CNTNAP5: variants seen among roughly 807,000 people sequenced by gnomAD.
CNTNAP5 encodes contactin-associated protein-like 5.
A neutral mutation model predicts 150.2 loss-of-function variants in CNTNAP5; 72 were observed. That is an observed-to-expected ratio of 0.48 (90% CI 0.40 to 0.58). CNTNAP5 has a LOEUF of 0.58. CNTNAP5 is among the 20% of genes least tolerant of loss of function. The pLI, the probability that CNTNAP5 is intolerant of heterozygous loss-of-function variation, is 0.00. For synonymous variants in CNTNAP5, 672 were observed against 619.8 expected (o/e 1.08, Z -1.25); for missense variants, 1,636 against 1,626.2 (o/e 1.01, Z -0.10).
intron 21 of CNTNAP5, among the ~76,000 whole-genome samples, chr2:124,889,781 T>C (rs1409792132): frequency 6.6e-6 from 1 of 152,134 alleles, no homozygotes; most frequent in African/African-American, 2.4e-5. Context: ...ATAAGGTTTG[T>C]CCTCTGGATC....
intron 3 of CNTNAP5, among the ~76,000 whole-genome samples, chr2:124,313,227 C>T (rs182166035): frequency 1.9e-3 from 282 of 152,256 alleles, no homozygotes; most frequent in Non-Finnish European, 3.1e-3. Context: ...GATTATTATA[C>T]GATTAATCAC....
At chr2:124,278,782 A>G (rs1467133726) in intron 3 of CNTNAP5, among the ~76,000 whole-genome samples, 3 of 152,066 alleles carry the variant, frequency 2.0e-5, no homozygotes, top group African/African-American at 4.8e-5. Context: ...TTTTAAATTA[A>G]TCTCCTCTTC....
At chr2:124,816,907 T>A (rs1390177365) in intron 19 of CNTNAP5, among the ~76,000 whole-genome samples, 11 of 152,210 alleles carry the variant, frequency 7.2e-5, no homozygotes, top group Non-Finnish European at 1.5e-4. Context: ...GCGAATGATA[T>A]CACATCATCG....
chr2:124,193,278 C>G (rs905683470), intron 1 of CNTNAP5, among the ~76,000 whole-genome samples: 6 of 152,210 alleles, frequency 3.9e-5, no homozygotes, highest in African/African-American at 1.4e-4. Flanking sequence ...GACTTCAATG[C>G]CTCTTTTTAT....
At chr2:124,821,069 C>T (rs887535776) in intron 19 of CNTNAP5, among the ~76,000 whole-genome samples, 8 of 152,178 alleles carry the variant, frequency 5.3e-5, no homozygotes, top group Admixed American at 4.6e-4. Context: ...ATGCAGTTCC[C>T]ACAAGGTATG....
intron 10 of CNTNAP5, among the ~76,000 whole-genome samples, chr2:124,561,269 C>T (rs1380608881): frequency 6.6e-6 from 1 of 152,100 alleles, no homozygotes; most frequent in Non-Finnish European, 1.5e-5. Context: ...AAGGAAACAG[C>T]GTGTGGGGAC....
intron 11 of CNTNAP5, among the ~76,000 whole-genome samples, chr2:124,579,530 T>C (rs137899762): frequency 6.6e-6 from 1 of 152,374 alleles, no homozygotes; most frequent in East Asian, 1.9e-4. Context: ...TTCTTTGATC[T>C]ATTTTATCTT....
intron 21 of CNTNAP5, among the ~76,000 whole-genome samples, chr2:124,871,688 C>T (rs928722660): frequency 6.6e-6 from 1 of 152,146 alleles, no homozygotes; most frequent in East Asian, 1.9e-4. Context: ...TGAAGGTGCT[C>T]TGACCACCTC....
intron 19 of CNTNAP5, among the ~76,000 whole-genome samples, chr2:124,802,779 C>G (rs547528423): frequency 6.6e-6 from 1 of 152,224 alleles, no homozygotes; most frequent in East Asian, 1.9e-4. Flanking sequence ...CAGATACTAG[C>G]TCATGTACTG....
At chr2:124,761,294 C>T (rs761360800) in intron 14 of CNTNAP5, among the ~76,000 whole-genome samples, 54 of 152,010 alleles carry the variant, frequency 3.6e-4, no homozygotes, top group African/African-American at 1.1e-3. Context: ...TAATTAAATC[C>T]GATCATATTC....
intron 16 of CNTNAP5, among the ~76,000 whole-genome samples, chr2:124,766,027 A>C (rs1180609010): frequency 6.6e-6 from 1 of 152,134 alleles, no homozygotes; most frequent in African/African-American, 2.4e-5. Flanking sequence ...CAGACCAACA[A>C]ACGATTTGTT....
chr2:124,164,342 C>T (rs75590985), intron 1 of CNTNAP5, among the ~76,000 whole-genome samples: 1,572 of 152,278 alleles, frequency 0.01, 6 homozygotes, highest in Non-Finnish European at 0.016. Context: ...TAAGACACAA[C>T]CCCCAAAACT....
At chr2:124,173,746 C>G (rs1318118813) in intron 1 of CNTNAP5, among the ~76,000 whole-genome samples, 1 of 152,164 alleles carries the variant, frequency 6.6e-6, no homozygotes, top group Non-Finnish European at 1.5e-5. Context: ...AGGGAATTAT[C>G]CAGAAGATCT....
intron 13 of CNTNAP5, among the ~76,000 whole-genome samples, chr2:124,733,743 G>A (rs920368808): frequency 6.6e-6 from 1 of 152,090 alleles, no homozygotes; most frequent in African/African-American, 2.4e-5. Context: ...CATTGTAATC[G>A]AATAGTTAGT....
intron 17 of CNTNAP5, among the ~76,000 whole-genome samples, chr2:124,775,533 C>T (rs1006980155): frequency 2.0e-5 from 3 of 152,116 alleles, no homozygotes; most frequent in Admixed American, 6.6e-5. Flanking sequence ...ACACAGCTGC[C>T]GTGGTCATGA....
chr2:124,175,150 A>G (rs978818800), intron 1 of CNTNAP5, among the ~76,000 whole-genome samples: 1 of 152,126 alleles, frequency 6.6e-6, no homozygotes, highest in African/African-American at 2.4e-5. Context: ...CTTTACTTAA[A>G]TGGTCTGGAA....
intron 6 of CNTNAP5, among the ~76,000 whole-genome samples, chr2:124,459,420 A>G (rs1574009211): frequency 6.6e-6 from 1 of 152,268 alleles, no homozygotes; most frequent in South Asian, 2.1e-4. Context: ...CTCAGAATAG[A>G]GCTGCATAAT....
chr2:124,675,136 T>C (rs1179383247), intron 13 of CNTNAP5, among the ~76,000 whole-genome samples: 1 of 152,132 alleles, frequency 6.6e-6, no homozygotes, highest in Non-Finnish European at 1.5e-5. Context: ...CTGTTGTTAG[T>C]CGTATAAATG....
At chr2:124,281,875 C>T (rs761051816) in intron 3 of CNTNAP5, among the ~76,000 whole-genome samples, 1 of 152,148 alleles carries the variant, frequency 6.6e-6, no homozygotes. Flanking sequence ...GTAACTAACC[C>T]AAGCTCTTCC....
Sources: allele counts gnomAD v4.1 joint callset (sites outside exome capture counted in the v4.1 genomes callset), GRCh38; gene constraint gnomAD v4.1.1; transcripts MANE v1.5; gene names NCBI Gene and HGNC (gene_info 2026-07-23, HGNC 2026-07-21).